The following SEPTIN10 variants were observed in gnomAD, a reference collection of about 807,000 sequenced individuals.
SEPTIN10 encodes septin 10, also known as septin-10.
A neutral mutation model predicts 54.8 loss-of-function variants in SEPTIN10; 66 were observed. The ratio of observed to expected loss-of-function variants is 1.21; its 90% confidence interval spans 0.99 to 1.48. The LOEUF is 1.48. SEPTIN10 is among the 40% of genes most tolerant of loss of function. SEPTIN10 has a pLI of 0.00. For synonymous variants in SEPTIN10, 161 were observed against 181.0 expected, an observed-to-expected ratio of 0.89 and a Z score of 0.89; for missense variants, 620 against 545.6, an observed-to-expected ratio of 1.14 and a Z score of -1.36.
intron 4 of SEPTIN10, among the ~76,000 whole-genome samples, chr2:109,575,932 GAC>G (rs1689583003): frequency 6.6e-6 from 1 of 152,158 alleles, no homozygotes; most frequent in Non-Finnish European, 1.5e-5. Context: ...TGAGGACTGA[GAC>G]AGTATCTTAT....
intron 1 of SEPTIN10, among the ~76,000 whole-genome samples, chr2:109,602,781 A>T (rs1053560684): frequency 2.0e-5 from 3 of 151,954 alleles, no homozygotes; most frequent in African/African-American, 4.8e-5. Context: ...GAAATTTGAG[A>T]AGTCATTTAT....
At chr2:109,585,095 A>T in intron 4 of SEPTIN10, 31 bp downstream of exon 4, 1 of 1,417,216 alleles carries the variant, frequency 7.1e-7, no homozygotes, top group Non-Finnish European at 9.5e-7. Context: ...AATAAGAAAA[A>T]CTTGTTTTAT....
At chr2:109,591,135 T>C (rs896041935) in intron 2 of SEPTIN10, among the ~76,000 whole-genome samples, 4 of 152,228 alleles carry the variant, frequency 2.6e-5, no homozygotes, top group South Asian at 4.1e-4. Flanking sequence ...GTAAGCATGT[T>C]ATCTTCATAT....
At chr2:109,590,033 T>C (rs939927452) in intron 2 of SEPTIN10, among the ~76,000 whole-genome samples, 4 of 147,098 alleles carry the variant, frequency 2.7e-5, no homozygotes, top group African/African-American at 7.8e-5. Context: ...CACACACATA[T>C]ATACACACAT....
At chr2:109,608,018 A>G (rs1698396183) in intron 1 of SEPTIN10, among the ~76,000 whole-genome samples, 1 of 152,238 alleles carries the variant, frequency 6.6e-6, no homozygotes, top group South Asian at 2.1e-4. Flanking sequence ...ATTCAGATTG[A>G]GCAGAACTAG....
At chr2:109,577,484 C>G (rs578056484) in intron 4 of SEPTIN10, among the ~76,000 whole-genome samples, 13 of 151,668 alleles carry the variant, frequency 8.6e-5, no homozygotes, top group Admixed American at 6.6e-4. Flanking sequence ...CCCAGGTACT[C>G]AGGAGGCTGA....
At chr2:109,557,182 TA>T (rs1354510731) in intron 8 of SEPTIN10, among the ~76,000 whole-genome samples, 4 of 151,942 alleles carry the variant, frequency 2.6e-5, no homozygotes, top group East Asian at 1.9e-4. Context: ...AAAAAAAATT[TA>T]AAAAAAATTA....
At chr2:109,574,319 G>A (rs1689077034) in intron 5 of SEPTIN10, among the ~76,000 whole-genome samples, 1 of 151,440 alleles carries the variant, frequency 6.6e-6, no homozygotes. Flanking sequence ...GGTAGTACAT[G>A]CCTATAGTCC....
chr2:109,581,023 A>G (rs923095584), intron 4 of SEPTIN10, among the ~76,000 whole-genome samples: 4 of 152,246 alleles, frequency 2.6e-5, no homozygotes, highest in Non-Finnish European at 5.9e-5. Context: ...TGGCTAAAGA[A>G]TAATATGCAT....
intron 1 of SEPTIN10, among the ~76,000 whole-genome samples, chr2:109,596,133 G>A (rs1202030690): frequency 6.6e-6 from 1 of 152,136 alleles, no homozygotes; most frequent in African/African-American, 2.4e-5. Context: ...CTGGGCTCAG[G>A]CGATCCTCCC....
In SEPTIN10 at chr2:109,565,793, CT is replaced by C; in HGVS notation, c.828del (p.Ala277LeufsTer20). On this transcript the variant is annotated frameshift_variant, in exon 7 of 11. Transcript: ENST00000397712. LOFTEE classifies it high-confidence loss of function. The stretch of plus-strand genomic sequence containing the variant: ...ACAACACCCCAAGGGTACTGGCGAG[CT>C]TTGACCATCTTGTTTCCGACTTTTA... Reference protein sequence around the residue: ...DEVKVGNKMVKARQYPWGVVQ... With the variant: ...DEVKVGNKMVXARQYPWGVVQ... 1 of 1,614,056 alleles carries C rather than the reference CT, an allele frequency of 6.2e-7. No individual in the cohort carries two copies. Among genetic ancestry groups the C allele is most frequent in the South Asian group, 1.1e-5 (1 of 91,074 alleles).
intron 4 of SEPTIN10, among the ~76,000 whole-genome samples, chr2:109,582,060 A>G (rs1691273156): frequency 6.9e-6 from 1 of 145,220 alleles, no homozygotes; most frequent in Non-Finnish European, 1.5e-5. Flanking sequence ...CAAGAACACA[A>G]TGCCATGTAC....
At chr2:109,553,864 A>G (rs1683718253) in intron 8 of SEPTIN10, among the ~76,000 whole-genome samples, 1 of 152,188 alleles carries the variant, frequency 6.6e-6, no homozygotes, top group Admixed American at 6.5e-5. Flanking sequence ...AAAAAAAAAA[A>G]AAAAGTGATA....
At chr2:109,588,109 CA>C (rs565937777) in intron 2 of SEPTIN10, among the ~76,000 whole-genome samples, 41 of 142,672 alleles carry the variant, frequency 2.9e-4, no homozygotes, top group Admixed American at 2.1e-4. Context: ...TGCCCCCCGC[CA>C]AAAAAAAAAG....
intron 5 of SEPTIN10, among the ~76,000 whole-genome samples, chr2:109,569,815 T>C (rs953941610): frequency 6.6e-6 from 1 of 151,776 alleles, no homozygotes; most frequent in African/African-American, 2.4e-5. Flanking sequence ...GTAACAGATA[T>C]TGCCCAAAGA....
At chr2:109,545,956 T>C (rs923695921) in intron 10 of SEPTIN10, 94 bp downstream of exon 10, 2 of 1,483,022 alleles carry the variant, frequency 1.3e-6, no homozygotes, top group African/African-American at 1.4e-5. Flanking sequence ...AGACAAAGCA[T>C]AAGGAAGCAG....
intron 4 of SEPTIN10, among the ~76,000 whole-genome samples, chr2:109,579,950 G>A (rs1341209549): frequency 2.6e-5 from 4 of 151,624 alleles, no homozygotes; most frequent in Non-Finnish European, 4.4e-5. Flanking sequence ...GTGAAACCCT[G>A]TCTCTACTAA....
intron 1 of SEPTIN10, among the ~76,000 whole-genome samples, chr2:109,602,244 T>C (rs920178592): frequency 1.3e-5 from 2 of 152,176 alleles, no homozygotes; most frequent in African/African-American, 4.8e-5. Context: ...AAGTTTGTGA[T>C]GTGAAGAATG....
At chr2:109,551,123 G>T (rs1282861304) in intron 9 of SEPTIN10, among the ~76,000 whole-genome samples, 12 of 152,162 alleles carry the variant, frequency 7.9e-5, no homozygotes, top group Non-Finnish European at 1.0e-4. Flanking sequence ...AAGACAGAAC[G>T]TCAACGATAT....
Sources: gnomAD v4.1 joint callset for allele counts (sites outside exome capture counted in the v4.1 genomes callset) on GRCh38, gnomAD v4.1.1 for gene constraint, MANE v1.5 for transcripts, NCBI Gene and HGNC (gene_info 2026-07-23, HGNC 2026-07-21) for gene names.